Variants in POSTN observed in about 807,000 individuals in gnomAD.
POSTN encodes osteoblast specific factor 2 (fasciclin I-like).
Under a neutral mutation model 104.5 loss-of-function variants are expected in POSTN, and 71 were observed. The ratio of observed to expected loss-of-function variants is 0.68; its 90% CI spans 0.56 to 0.83. POSTN has a LOEUF of 0.83. Among genes scored for constraint, POSTN ranks in the 40% least tolerant of loss-of-function variants. The pLI is 0.00. For synonymous variants in POSTN, 355 were observed against 340.7 expected, an observed-to-expected ratio of 1.04 and a Z score of -0.46; for missense variants, 949 against 1,006.8, an observed-to-expected ratio of 0.94 and a Z score of 0.78.
intron 20 of POSTN, 66 bp from the exon 21 acceptor site, chr13:37,569,449 G>T: frequency 8.2e-7 from 1 of 1,223,100 alleles, no homozygotes; most frequent in Non-Finnish European, 1.2e-6. Context: ...CAGACTTTAT[G>T]TCATAAATAA....
At chr13:37,594,104 T>A (rs1951016646) in intron 2 of POSTN, among the ~76,000 whole-genome samples, 1 of 152,062 alleles carries the variant, frequency 6.6e-6, no homozygotes, top group Non-Finnish European at 1.5e-5. Context: ...TCTAAATAAT[T>A]TTATTTACAT....
At chr13:37,566,684 C>G (rs1304936244) in intron 21 of POSTN, among the ~76,000 whole-genome samples, 1 of 152,136 alleles carries the variant, frequency 6.6e-6, no homozygotes, top group Non-Finnish European at 1.5e-5. Context: ...TTTGCGAAAA[C>G]CTTCAAAAAT....
intron 17 of POSTN, among the ~76,000 whole-genome samples, chr13:37,573,203 T>G (rs1034620885): frequency 1.3e-5 from 2 of 151,500 alleles, no homozygotes; most frequent in African/African-American, 4.8e-5. Flanking sequence ...GTGCAAAATT[T>G]TAGGGAATCT....
chr13:37,583,549 C>T lies in POSTN; in HGVS notation c.1243+420G>A, dbSNP rs911880773. Among the ~76,000 whole-genome samples the T allele has an allele frequency of 1.7e-4, 25 of 151,348 alleles. 1 individual carries two copies. Among genetic ancestry groups the T allele is most frequent in the Non-Finnish European group, 5.9e-5 (4 of 67,858 alleles). ...GTTCAATTCTCCTGCCTCAGCCTCC[C>T]GAGTAGCTGGGATTACAGGAGTGCA... is the stretch of plus-strand genomic sequence containing the variant. On this transcript the variant is annotated intron_variant, in intron 9 of 22. Transcript: ENST00000379747.
rs572139941 is a variant in POSTN at position 37,598,542 on chromosome 13, A to G, written c.119+66T>C. On this transcript the variant is annotated intron_variant, in intron 1 of 22. Transcript: ENST00000379747. Reference sequence around the variant, plus strand: ...GAGGCATATATGAGAAACTTTATGCATACTTGAACATCTAACAAGCTGAGG... The same window carrying G: ...GAGGCATATATGAGAAACTTTATGCGTACTTGAACATCTAACAAGCTGAGG... 44 of 1,458,802 alleles carry G rather than the reference A, an allele frequency of 3.0e-5. No individual in the cohort carries two copies. The South Asian group carries it at 5.0e-4, about 17-fold the overall frequency. 90.4% of individuals were successfully genotyped at this position (1,458,802 alleles called of 1,614,324 possible).
At chr13:37,570,777 T>C in intron 18 of POSTN, 108 bp from the exon 19 acceptor site, 1 of 720,462 alleles carries the variant, frequency 1.4e-6, no homozygotes. Flanking sequence ...ATATTACCAT[T>C]TAAGATTCAA....
At chr13:37,568,098 T>A (rs1950168250) in intron 21 of POSTN, among the ~76,000 whole-genome samples, 3 of 152,064 alleles carry the variant, frequency 2.0e-5, no homozygotes, top group African/African-American at 7.2e-5. Flanking sequence ...CAGTTGAGCA[T>A]TTAGGGGTAG....
chr13:37,593,510 G>A (rs922290073), intron 2 of POSTN, among the ~76,000 whole-genome samples: 4 of 151,092 alleles, frequency 2.6e-5, no homozygotes, highest in African/African-American at 9.7e-5. Flanking sequence ...AATGCACATC[G>A]TTTTGTAATT....
chr13:37,579,207 A>G lies in POSTN; in HGVS notation c.1791+22T>C, dbSNP rs777161262. ...CTTAATGATGGATGAACACTATCAT[A>G]AATTCATTCTAGACAACTTACTTCT... is the stretch of plus-strand genomic sequence containing the variant. On this transcript the variant is annotated intron_variant, in intron 13 of 22. Coordinates refer to ENST00000379747, the MANE Select transcript of POSTN (RefSeq NM_006475.3). 9.9e-6 allele frequency: 16 copies of G among 1,608,520 alleles called. No homozygotes were observed. In the Admixed American group the frequency reaches 2.3e-4, roughly 23 times the overall value.
intron 2 of POSTN, 113 bp from the exon 3 acceptor site, chr13:37,592,277 T>G: frequency 4.4e-6 from 3 of 688,326 alleles, no homozygotes; most frequent in Non-Finnish European, 6.8e-6. Flanking sequence ...GTTCTAAAAA[T>G]CAGGTTTTTT....
chr13:37,590,157 T>G (rs968713915), intron 4 of POSTN, among the ~76,000 whole-genome samples: 1 of 151,984 alleles, frequency 6.6e-6, no homozygotes, highest in African/African-American at 2.4e-5. Flanking sequence ...TTCCCCTTCT[T>G]AAAAAAATTA....
In POSTN at chr13:37,579,141, T is replaced by C. The variant is rs756657016; in HGVS notation, c.1792-20A>G. 1.3e-5 allele frequency: 21 copies of C among 1,608,212 alleles called. No individual in the cohort carries two copies. Among genetic ancestry groups the C allele is most frequent in the Non-Finnish European group, 1.7e-5 (20 of 1,175,580 alleles). ...ATTTACCTATCAAAATAGGAGGCAA[T>C]TTCAATGAGGAAATTTCATTAAGGA... On this transcript the variant is annotated intron_variant, in intron 13 of 22. Coordinates refer to ENST00000379747, the MANE Select transcript of POSTN (RefSeq NM_006475.3).
At chr13:37,592,215 AT>A in intron 2 of POSTN, 51 bp from the exon 3 acceptor site, 1 of 1,153,368 alleles carries the variant, frequency 8.7e-7, no homozygotes, top group Non-Finnish European at 1.3e-6. Context: ...AATAGGATAC[AT>A]TTTTACATAA....
chr13:37,569,435 A>T (rs1177138448), intron 20 of POSTN, 52 bp from the exon 21 acceptor site: 4 of 1,324,856 alleles, frequency 3.0e-6, no homozygotes, highest in Non-Finnish European at 4.4e-6. Flanking sequence ...CAAAATAAAG[A>T]CAGCAGACTT....
At chr13:37,569,206 A>T (rs1157735730) in intron 21 of POSTN, 94 bp downstream of exon 21, 1 of 842,128 alleles carries the variant, frequency 1.2e-6, no homozygotes, top group Non-Finnish European at 1.9e-6. Context: ...TTTTTAACCC[A>T]ATTAAAAGAA....
rs757130916 is a variant in POSTN at position 37,590,432 on chromosome 13, C to CTCGA, written c.377_380dup (p.Glu127AspfsTer14). ...CAAAGTAAGTGAAGGATCCCTTTCCCTCGATCTCCTCCCTCAGTTTTGAGG... is the reference window on the plus strand; with the variant it reads ...CAAAGTAAGTGAAGGATCCCTTTCCCTCGATCGATCTCCTCCCTCAGTTTTGAGG... On this transcript the variant is annotated frameshift_variant, in exon 4 of 23. Coordinates refer to ENST00000379747, the MANE Select transcript of POSTN (RefSeq NM_006475.3). LOFTEE classifies it high-confidence loss of function. 1 of 1,612,102 alleles carries CTCGA rather than the reference C, an allele frequency of 6.2e-7. No homozygotes were observed. Among genetic ancestry groups the CTCGA allele is most frequent in the African/African-American group, 1.3e-5 (1 of 74,872 alleles).
rs757107822 is a variant in POSTN at position 37,583,997 on chromosome 13, C to A, written c.1215G>T (p.Leu405Phe). ...SALRPDGEYT[L>F]LAPVNNAFSD... ...AAAATGCATTATTCACAGGTGCCAG[C>A]AAAGTGTATTCTCCATCTGGCCTCA... is the stretch of plus-strand genomic sequence containing the variant. The change falls in exon 9 of 23, where the codon TTG becomes TTT. Residue 405 changes from leucine to phenylalanine, a missense_variant. Leu to Phe is a conservative substitution (Grantham distance 22). Coordinates refer to ENST00000379747, the MANE Select transcript of POSTN (RefSeq NM_006475.3). 6.2e-7 allele frequency: 1 copy of A among 1,613,768 alleles called. No homozygotes were observed. Among genetic ancestry groups the A allele is most frequent in the Non-Finnish European group, 8.5e-7 (1 of 1,179,854 alleles).
At chr13:37,592,540 C>T (rs1253935885) in intron 2 of POSTN, among the ~76,000 whole-genome samples, 1 of 152,150 alleles carries the variant, frequency 6.6e-6, no homozygotes, top group Admixed American at 6.5e-5. Context: ...CCTCATGATC[C>T]GCCCACCTGG....
intron 9 of POSTN, 71 bp downstream of exon 9, chr13:37,583,898 T>C (rs980766718): frequency 2.0e-6 from 3 of 1,534,230 alleles, no homozygotes; most frequent in Non-Finnish European, 2.6e-6. Context: ...TTGTTTCTTA[T>C]TGCAAACAAT....
Sources: gnomAD v4.1 joint callset for allele counts (sites outside exome capture counted in the v4.1 genomes callset) on GRCh38, gnomAD v4.1.1 for gene constraint, MANE v1.5 for transcripts, NCBI Gene and HGNC (gene_info 2026-07-23, HGNC 2026-07-21) for gene names.